SRBD1: variants seen among roughly 807,000 people sequenced by gnomAD.
The protein encoded by SRBD1 is S1 RNA-binding domain-containing protein 1.
A neutral mutation model predicts 115.3 loss-of-function variants in SRBD1; 88 were observed. That is an observed-to-expected ratio of 0.76 (90% CI 0.64 to 0.91). SRBD1 has a LOEUF of 0.91. Among genes scored for constraint, SRBD1 ranks in the 40% least tolerant of loss-of-function variants. SRBD1 has a pLI of 0.00. For synonymous variants in SRBD1, 509 were observed against 407.7 expected, an observed-to-expected ratio of 1.25 and a Z score of -2.99; for missense variants, 1,385 against 1,177.4, an observed-to-expected ratio of 1.18 and a Z score of -2.58.
At position 45,546,807 on chromosome 2, in the gene SRBD1, G is replaced by A. The variant is rs761654286; in HGVS notation, c.1799C>T (p.Ala600Val). The A allele has an allele frequency of 1.5e-5, 25 of 1,614,074 alleles. No homozygotes were observed. The highest frequency in any genetic ancestry group is 2.1e-5 in the Non-Finnish European group (25 of 1,179,988). The change falls in exon 14 of 21, where the codon GCC becomes GTC. Residue 600 changes from alanine to valine, a missense_variant. Physicochemically the swap from Ala to Val is moderately conservative, Grantham distance 64 (BLOSUM62 0). Transcript: ENST00000263736. ...CSTVVIGNGT[A>V]CRETEAYFAD... ...AAAGTAAGCTTCTGTTTCCCTGCAG[G>A]CAGTTCCATTTCCAATCACTACTGT...
chr2:45,571,519 A>AAAAAAAAAC (rs1673012546), intron 9 of SRBD1, among the ~76,000 whole-genome samples: 1 of 72,878 alleles, frequency 1.4e-5, no homozygotes, highest in African/African-American at 6.7e-5. Flanking sequence ...GACTTTACCA[A>AAAAAAAAAC]AAAAAAAAAA....
At chr2:45,584,282 C>T (rs1170475131) in intron 5 of SRBD1, among the ~76,000 whole-genome samples, 2 of 152,178 alleles carry the variant, frequency 1.3e-5, no homozygotes, top group Non-Finnish European at 2.9e-5. Context: ...AAGGGTTGCC[C>T]CTCTTAGACA....
At chr2:45,500,228 C>CTGTGTG (rs60622580) in intron 14 of SRBD1, among the ~76,000 whole-genome samples, 2,491 of 146,504 alleles carry the variant, frequency 0.017, 35 homozygotes, top group African/African-American at 0.026. Context: ...TAAATTTATC[C>CTGTGTG]TGTGTGTGTG....
At chr2:45,557,442 G>A (rs1002742385) in intron 10 of SRBD1, among the ~76,000 whole-genome samples, 1 of 152,140 alleles carries the variant, frequency 6.6e-6, no homozygotes. Flanking sequence ...CAAACCCCCA[G>A]TAGTCTTCTT....
At chr2:45,498,941 G>C (rs925478659) in intron 14 of SRBD1, among the ~76,000 whole-genome samples, 12 of 152,188 alleles carry the variant, frequency 7.9e-5, no homozygotes, top group African/African-American at 2.7e-4. Flanking sequence ...AATGTGAATA[G>C]TGTTGCAATA....
chr2:45,485,106 A>C (rs992459926), intron 15 of SRBD1, among the ~76,000 whole-genome samples: 4 of 152,178 alleles, frequency 2.6e-5, no homozygotes, highest in Non-Finnish European at 4.4e-5. Flanking sequence ...CTAGGAGTGA[A>C]ATTGCTGGGC....
intron 19 of SRBD1, among the ~76,000 whole-genome samples, chr2:45,395,160 G>A (rs1667109089): frequency 6.6e-6 from 1 of 152,176 alleles, no homozygotes; most frequent in Non-Finnish European, 1.5e-5. Context: ...GGTTTTATTG[G>A]TCTGCAACTG....
intron 14 of SRBD1, among the ~76,000 whole-genome samples, chr2:45,500,571 T>C (rs1170533909): frequency 2.6e-5 from 4 of 151,940 alleles, no homozygotes; most frequent in Non-Finnish European, 5.9e-5. Flanking sequence ...TATAAGCACA[T>C]GCCATCATGC....
chr2:45,592,280 C>G (rs1382330542), intron 4 of SRBD1, among the ~76,000 whole-genome samples: 2 of 152,032 alleles, frequency 1.3e-5, no homozygotes, highest in Non-Finnish European at 2.9e-5. Context: ...AGGGACACAC[C>G]ACCAAAGAAG....
At chr2:45,602,675 C>G (rs553613623) in intron 2 of SRBD1, among the ~76,000 whole-genome samples, 1 of 152,080 alleles carries the variant, frequency 6.6e-6, no homozygotes, top group Non-Finnish European at 1.5e-5. Context: ...TTTCTAACAA[C>G]GAAGAATCAA....
intron 19 of SRBD1, among the ~76,000 whole-genome samples, chr2:45,408,734 C>T (rs769712234): frequency 2.2e-4 from 33 of 152,050 alleles, no homozygotes; most frequent in Non-Finnish European, 3.2e-4. Context: ...TCCATCATAA[C>T]GAACCACTAT....
chr2:45,511,019 T>C (rs760323989), intron 14 of SRBD1, among the ~76,000 whole-genome samples: 2 of 152,334 alleles, frequency 1.3e-5, no homozygotes, highest in East Asian at 1.9e-4. Flanking sequence ...GATCCAGATA[T>C]CCATGAGTAT....
chr2:45,505,923 C>T (rs1670783231), intron 14 of SRBD1, among the ~76,000 whole-genome samples: 1 of 152,106 alleles, frequency 6.6e-6, no homozygotes, highest in Non-Finnish European at 1.5e-5. Context: ...CTGGTTTTCC[C>T]AATAATAAGA....
chr2:45,548,002 T>C (rs1268845083), intron 12 of SRBD1, among the ~76,000 whole-genome samples: 1 of 152,104 alleles, frequency 6.6e-6, no homozygotes, highest in African/African-American at 2.4e-5. Context: ...ATTTACCTTG[T>C]GCATATTTAA....
chr2:45,402,954 C>G (rs1468876732), intron 19 of SRBD1, among the ~76,000 whole-genome samples: 1 of 152,260 alleles, frequency 6.6e-6, no homozygotes, highest in South Asian at 2.1e-4. Context: ...CCTAAATAGG[C>G]TGTTTCTGGG....
intron 16 of SRBD1, among the ~76,000 whole-genome samples, chr2:45,468,419 A>G (rs1357803303): frequency 6.8e-6 from 1 of 145,998 alleles, no homozygotes; most frequent in African/African-American, 2.6e-5. Context: ...ACAGGGTCTC[A>G]CTCTGTTGCC....
intron 18 of SRBD1, among the ~76,000 whole-genome samples, chr2:45,415,829 C>G (rs1667815984): frequency 7.3e-6 from 1 of 137,308 alleles, no homozygotes; most frequent in Non-Finnish European, 1.5e-5. Flanking sequence ...GAGTCTGAAA[C>G]TAAAATCCCA....
intron 10 of SRBD1, among the ~76,000 whole-genome samples, chr2:45,558,666 T>C (rs947294297): frequency 4.0e-5 from 6 of 151,814 alleles, no homozygotes; most frequent in Non-Finnish European, 7.4e-5. Flanking sequence ...ATCTACCTTA[T>C]TGTTCAAGCC....
chr2:45,433,443 A>G (rs890635019), intron 16 of SRBD1, among the ~76,000 whole-genome samples: 3 of 152,214 alleles, frequency 2.0e-5, no homozygotes, highest in African/African-American at 7.2e-5. Context: ...AACCCAGGAA[A>G]AAAAAAGCTT....
Sources: gnomAD v4.1 joint callset for allele counts (sites outside exome capture counted in the v4.1 genomes callset) on GRCh38, gnomAD v4.1.1 for gene constraint, MANE v1.5 for transcripts, NCBI Gene and HGNC (gene_info 2026-07-23, HGNC 2026-07-21) for gene names.